The following ZBTB7C variants were observed in gnomAD, a reference collection of about 807,000 sequenced individuals.
ZBTB7C encodes the protein zinc finger and BTB domain-containing protein 7C.
ZBTB7C carries 8 observed loss-of-function variants against 25.7 expected under a neutral mutation model. The ratio of observed to expected loss-of-function variants is 0.31; its 90% CI spans 0.18 to 0.56. ZBTB7C has a LOEUF of 0.56. ZBTB7C is among the 20% of genes least tolerant of loss of function. The pLI is 0.91. For missense variants in ZBTB7C, 824 were observed against 855.2 expected (o/e 0.96, Z 0.46); for synonymous variants, 394 against 369.0 (o/e 1.07, Z -0.78).
intron 3 of ZBTB7C, among the ~76,000 whole-genome samples, chr18:48,114,975 A>G (rs1329108808): frequency 1.3e-5 from 2 of 152,346 alleles, no homozygotes; most frequent in East Asian, 3.9e-4. Context: ...ATTCTGTGGC[A>G]TTAATTAAAT....
intron 3 of ZBTB7C, among the ~76,000 whole-genome samples, chr18:48,129,653 C>T (rs2039924988): frequency 1.3e-5 from 2 of 152,192 alleles, no homozygotes; most frequent in South Asian, 2.1e-4. Context: ...TGCATTTGCC[C>T]GGAAGGGAGG....
chr18:48,293,142 T>C (rs1427738681), intron 2 of ZBTB7C, among the ~76,000 whole-genome samples: 1 of 152,192 alleles, frequency 6.6e-6, no homozygotes, highest in Non-Finnish European at 1.5e-5. Context: ...ATAACAAAAA[T>C]ACCATAGACT....
At chr18:48,311,240 G>C (rs2045811617) in intron 2 of ZBTB7C, among the ~76,000 whole-genome samples, 1 of 152,168 alleles carries the variant, frequency 6.6e-6, no homozygotes, top group South Asian at 2.1e-4. Flanking sequence ...CCCGTGGTGG[G>C]AGCTGCTTGA....
At chr18:48,303,007 G>A (rs17750628) in intron 2 of ZBTB7C, among the ~76,000 whole-genome samples, 20,287 of 152,244 alleles carry the variant, frequency 0.13, 1,641 homozygotes, top group Non-Finnish European at 0.19. Context: ...TGGACCAGCA[G>A]TTCCAGCAGG....
intron 1 of ZBTB7C, among the ~76,000 whole-genome samples, chr18:48,358,953 T>C (rs2047040038): frequency 6.6e-6 from 1 of 152,144 alleles, no homozygotes; most frequent in South Asian, 2.1e-4. Flanking sequence ...GGGGCCTTCC[T>C]GTTGGAATCA....
intron 2 of ZBTB7C, among the ~76,000 whole-genome samples, chr18:48,216,525 G>C (rs1045247074): frequency 2.6e-5 from 4 of 152,142 alleles, no homozygotes; most frequent in Non-Finnish European, 5.9e-5. Context: ...CTCACTCCCT[G>C]GGGGGCGAAG....
At chr18:48,228,749 A>T (rs1317352460) in intron 2 of ZBTB7C, among the ~76,000 whole-genome samples, 9 of 139,650 alleles carry the variant, frequency 6.4e-5, no homozygotes, top group South Asian at 2.6e-4. Flanking sequence ...TCTCTCTCTC[A>T]CACACACACA....
intron 3 of ZBTB7C, among the ~76,000 whole-genome samples, chr18:48,060,884 G>A (rs138195922): frequency 9.3e-4 from 141 of 152,184 alleles, no homozygotes; most frequent in African/African-American, 2.6e-3. Flanking sequence ...GGTGAGTGTC[G>A]GGGGATCAGG....
chr18:48,307,746 G>C (rs930108449), intron 2 of ZBTB7C, among the ~76,000 whole-genome samples: 1 of 152,164 alleles, frequency 6.6e-6, no homozygotes, highest in African/African-American at 2.4e-5. Flanking sequence ...TACTTGGGAG[G>C]CCAAGGAAGG....
chr18:48,146,731 T>C (rs1010645085), intron 3 of ZBTB7C, among the ~76,000 whole-genome samples: 6 of 152,222 alleles, frequency 3.9e-5, no homozygotes, highest in African/African-American at 1.2e-4. Context: ...TAATGTTAAA[T>C]GTTATTTGTA....
chr18:48,152,987 G>A (rs778320388), intron 3 of ZBTB7C, among the ~76,000 whole-genome samples: 26 of 152,332 alleles, frequency 1.7e-4, no homozygotes, highest in Non-Finnish European at 2.8e-4. Flanking sequence ...ATGGGTACCC[G>A]AAGCCAGGCA....
intron 1 of ZBTB7C, among the ~76,000 whole-genome samples, chr18:48,349,344 T>G (rs2046811505): frequency 6.6e-6 from 1 of 152,246 alleles, no homozygotes; most frequent in African/African-American, 2.4e-5. Context: ...GTCTGCATCT[T>G]TTTTTGATTA....
intron 2 of ZBTB7C, among the ~76,000 whole-genome samples, chr18:48,187,640 C>A (rs1364096828): frequency 6.6e-6 from 1 of 151,874 alleles, no homozygotes; most frequent in Non-Finnish European, 1.5e-5. Flanking sequence ...GGTGAAACCC[C>A]GTCTCTACTA....
intron 2 of ZBTB7C, among the ~76,000 whole-genome samples, chr18:48,310,955 A>G (rs1008649001): frequency 6.6e-6 from 1 of 152,224 alleles, no homozygotes; most frequent in African/African-American, 2.4e-5. Flanking sequence ...AGATGTGTGC[A>G]CATCTTTTCA....
intron 2 of ZBTB7C, among the ~76,000 whole-genome samples, chr18:48,200,129 G>A (rs749971477): frequency 2.6e-5 from 4 of 152,006 alleles, no homozygotes; most frequent in Admixed American, 6.6e-5. Flanking sequence ...CCCAGCGTAC[G>A]ACACCTATTT....
intron 1 of ZBTB7C, among the ~76,000 whole-genome samples, chr18:48,373,960 C>CA (rs34811374): frequency 0.57 from 79,931 of 139,278 alleles, 23,005 homozygotes; most frequent in East Asian, 0.78. Context: ...GACTCTGTCT[C>CA]AAAAAAAAAA....
chr18:48,301,700 G>A (rs1243378595), intron 2 of ZBTB7C, among the ~76,000 whole-genome samples: 1 of 152,160 alleles, frequency 6.6e-6, no homozygotes, highest in East Asian at 1.9e-4. Flanking sequence ...CTGATGAGAT[G>A]CACAGCTGGA....
At chr18:48,283,834 C>T (rs183489274) in intron 2 of ZBTB7C, among the ~76,000 whole-genome samples, 531 of 152,238 alleles carry the variant, frequency 3.5e-3, no homozygotes, top group Middle Eastern at 6.8e-3. Context: ...ATATCATGAT[C>T]ATGTTATCAC....
intron 2 of ZBTB7C, among the ~76,000 whole-genome samples, chr18:48,310,445 C>A (rs1248256010): frequency 7.0e-6 from 1 of 143,458 alleles, no homozygotes; most frequent in East Asian, 2.0e-4. Context: ...AAAAAAAAAA[C>A]TACGTCCAAG....
Sources: allele counts gnomAD v4.1 joint callset (sites outside exome capture counted in the v4.1 genomes callset), GRCh38; gene constraint gnomAD v4.1.1; transcripts MANE v1.5; gene names NCBI Gene and HGNC (gene_info 2026-07-23, HGNC 2026-07-21).